Variants in RELN observed in about 807,000 individuals in gnomAD.
RELN encodes the protein reelin.
In RELN, 108 loss-of-function variants were observed where a neutral mutation model predicts 427.6. That is an observed-to-expected ratio of 0.25 (90% CI 0.22 to 0.30). RELN has a LOEUF of 0.30. Among genes scored for constraint, RELN ranks in the 10% least tolerant of loss-of-function variants. The pLI is 1.00. For missense variants in RELN, 3,715 were observed against 4,302.8 expected (o/e 0.86, Z 3.82); for synonymous variants, 1,524 against 1,513.4 (o/e 1.01, Z -0.16).
chr7:103,696,021 CA>C (rs1448268430), intron 10 of RELN, among the ~76,000 whole-genome samples: 1 of 152,104 alleles, frequency 6.6e-6, no homozygotes, highest in Non-Finnish European at 1.5e-5. Flanking sequence ...AAGTCATTTC[CA>C]TCAGGAGAGT....
At chr7:103,955,489 A>G in intron 1 of RELN, among the ~76,000 whole-genome samples, 1 of 152,214 alleles carries the variant, frequency 6.6e-6, no homozygotes, top group Non-Finnish European at 1.5e-5. Context: ...TATTAATCCT[A>G]TCAATGACAT....
At chr7:103,785,120 C>T (rs537836622) in intron 3 of RELN, among the ~76,000 whole-genome samples, 7 of 152,216 alleles carry the variant, frequency 4.6e-5, no homozygotes, top group East Asian at 1.9e-4. Context: ...TATTACAATA[C>T]GTTTCATCAT....
At chr7:103,494,562 T>G (rs74790286) in intron 57 of RELN, among the ~76,000 whole-genome samples, 1 of 110,740 alleles carries the variant, frequency 9.0e-6, no homozygotes, top group Non-Finnish European at 1.9e-5. Context: ...TTTTTTTTTT[T>G]GGTAGAGATA....
At chr7:103,751,927 AT>A (rs1476013929) in intron 5 of RELN, among the ~76,000 whole-genome samples, 1 of 152,390 alleles carries the variant, frequency 6.6e-6, no homozygotes, top group African/African-American at 2.4e-5. Context: ...ATTTCTTTTC[AT>A]TCTTATTAAA....
At chr7:103,735,315 C>A (rs1584447416) in intron 6 of RELN, among the ~76,000 whole-genome samples, 1 of 151,578 alleles carries the variant, frequency 6.6e-6, no homozygotes, top group African/African-American at 2.4e-5. Context: ...TATGATGGTA[C>A]CTTTGAACAG....
intron 6 of RELN, among the ~76,000 whole-genome samples, chr7:103,744,764 A>C (rs1254367488): frequency 6.6e-6 from 1 of 151,588 alleles, no homozygotes; most frequent in Non-Finnish European, 1.5e-5. Flanking sequence ...GAAATTGAGG[A>C]AATAATCAAT....
chr7:103,865,132 C>CAAAAAAAAAAAA (rs386410871), intron 2 of RELN, among the ~76,000 whole-genome samples: 2 of 67,192 alleles, frequency 3.0e-5, no homozygotes, highest in Non-Finnish European at 5.4e-5. Flanking sequence ...GAAACTGTCT[C>CAAAAAAAAAAAA]AAAAAAAAAA....
intron 3 of RELN, among the ~76,000 whole-genome samples, chr7:103,795,229 T>C (rs1377227775): frequency 6.6e-6 from 1 of 152,206 alleles, no homozygotes; most frequent in Non-Finnish European, 1.5e-5. Context: ...GCAGTAGATA[T>C]CTATATAAAT....
At chr7:103,870,122 T>C (rs867753838) in intron 2 of RELN, among the ~76,000 whole-genome samples, 9 of 152,106 alleles carry the variant, frequency 5.9e-5, no homozygotes, top group South Asian at 2.1e-4. Flanking sequence ...AGATTCTCTA[T>C]ATATGCTAAA....
intron 10 of RELN, among the ~76,000 whole-genome samples, chr7:103,685,051 A>G (rs1264905740): frequency 6.6e-6 from 1 of 152,124 alleles, no homozygotes; most frequent in East Asian, 1.9e-4. Flanking sequence ...TTAGAACTTT[A>G]AAAGCCCTCC....
At chr7:103,863,020 A>G (rs1265187418) in intron 2 of RELN, among the ~76,000 whole-genome samples, 2 of 152,168 alleles carry the variant, frequency 1.3e-5, no homozygotes, top group Non-Finnish European at 2.9e-5. Context: ...GCGCTGAAAC[A>G]GGCCAAACAC....
chr7:103,523,959 G>A (rs1011171031), intron 46 of RELN, among the ~76,000 whole-genome samples: 9 of 152,218 alleles, frequency 5.9e-5, no homozygotes, highest in African/African-American at 2.2e-4. Flanking sequence ...TTACAGGCAT[G>A]AGCCACTGTG....
intron 52 of RELN, 48 bp from the exon 53 acceptor site, chr7:103,500,970 A>T: frequency 1.9e-6 from 3 of 1,550,514 alleles, no homozygotes; most frequent in Non-Finnish European, 2.7e-6. Flanking sequence ...AGTTAACTGT[A>T]TTTAGGTCCA....
At position 103,919,155 on chromosome 7, in the gene RELN, T is replaced by TAGA. The variant is rs1554442230; in HGVS notation, c.227-1971_227-1970insTCT. Among the ~76,000 whole-genome samples, 559 of 145,010 alleles carry TAGA rather than the reference T, an allele frequency of 3.9e-3. 5 individuals are homozygous for TAGA. Among genetic ancestry groups the TAGA allele is most frequent in the African/African-American group, 0.014 (515 of 36,892 alleles). On this transcript the variant is annotated intron_variant, in intron 1 of 64. Coordinates refer to ENST00000428762, the MANE Select transcript of RELN (RefSeq NM_005045.4). ...GGTCTTTTTTTTTTTTTTTTTTTTT[T>TAGA]TAGAAAGAGGAGGAAATGTTGCCCA...
chr7:103,561,522 T>A lies in RELN; in HGVS notation c.5529+10A>T, dbSNP rs371510474. 3.9e-5 allele frequency: 63 copies of A among 1,602,260 alleles called. No homozygotes were observed. Among genetic ancestry groups the A allele is most frequent in the Admixed American group, 1.0e-4 (6 of 59,960 alleles). ...TAATGTTGGGAAGGAGAATCTTATC[T>A]GTATCTGACCCCTTTAAAAATTAGA... On this transcript the variant is annotated intron_variant, in intron 36 of 64. Coordinates refer to ENST00000428762, the MANE Select transcript of RELN (RefSeq NM_005045.4).
intron 3 of RELN, among the ~76,000 whole-genome samples, chr7:103,816,282 A>T (rs538000663): frequency 1.3e-5 from 2 of 152,250 alleles, no homozygotes; most frequent in African/African-American, 4.8e-5. Context: ...AGGAGGCTGG[A>T]GCAGGAGAAT....
At chr7:103,642,469 A>T (rs1351306633) in intron 16 of RELN, among the ~76,000 whole-genome samples, 1 of 151,040 alleles carries the variant, frequency 6.6e-6, no homozygotes, top group African/African-American at 2.4e-5. Context: ...AACCTCACAT[A>T]GAATGATAAC....
At chr7:103,886,910 A>T (rs534285105) in intron 2 of RELN, among the ~76,000 whole-genome samples, 1 of 152,338 alleles carries the variant, frequency 6.6e-6, no homozygotes, top group South Asian at 2.1e-4. Flanking sequence ...GGAAATTAAG[A>T]AGAGGAACAG....
intron 3 of RELN, among the ~76,000 whole-genome samples, chr7:103,820,636 T>C (rs1447037654): frequency 6.6e-6 from 1 of 152,046 alleles, no homozygotes; most frequent in Non-Finnish European, 1.5e-5. Flanking sequence ...TGTCCATTCA[T>C]AACGTTAAAT....
Sources: gnomAD v4.1 joint callset for allele counts (sites outside exome capture counted in the v4.1 genomes callset) on GRCh38, gnomAD v4.1.1 for gene constraint, MANE v1.5 for transcripts, NCBI Gene and HGNC (gene_info 2026-07-23, HGNC 2026-07-21) for gene names.